KIF6: variants seen among roughly 807,000 people sequenced by gnomAD.
KIF6 encodes kinesin-like protein KIF6.
KIF6 carries 106 observed loss-of-function variants against 112.7 expected under a neutral mutation model. That is an observed-to-expected ratio of 0.94 (90% confidence interval 0.80 to 1.11). The LOEUF is 1.11. Ranked by LOEUF, KIF6 falls within the 50% of genes least tolerant of loss-of-function variation. The pLI, the probability that KIF6 is intolerant of heterozygous loss-of-function variation, is 0.00. For synonymous variants in KIF6, 339 were observed against 339.9 expected (o/e 1.00, Z 0.03); for missense variants, 929 against 964.0 (o/e 0.96, Z 0.48).
intron 15 of KIF6, among the ~76,000 whole-genome samples, chr6:39,402,292 G>A (rs1049871843): frequency 9.2e-5 from 14 of 152,114 alleles, no homozygotes; most frequent in Non-Finnish European, 1.3e-4. Context: ...GACTCAAGCC[G>A]TTTCGAGGAC....
At chr6:39,346,085 T>TCTCTCTCTCTCTCTCTCCCC (rs1212794740) in intron 20 of KIF6, among the ~76,000 whole-genome samples, 2 of 21,598 alleles carry the variant, frequency 9.3e-5, no homozygotes, top group African/African-American at 2.2e-4. Flanking sequence ...TCTCTCTCTC[T>TCTCTCTCTCTCTCTCTCCCC]CCCCCCCCTC....
chr6:39,506,582 C>T (rs1776440596), intron 13 of KIF6, among the ~76,000 whole-genome samples: 1 of 152,068 alleles, frequency 6.6e-6, no homozygotes, highest in Non-Finnish European at 1.5e-5. Flanking sequence ...ACACAGAGCT[C>T]CTAAAACCCT....
At chr6:39,410,934 T>C (rs2150352453) in intron 15 of KIF6, among the ~76,000 whole-genome samples, 1 of 152,292 alleles carries the variant, frequency 6.6e-6, no homozygotes, top group Middle Eastern at 3.4e-3. Context: ...TTTTCCTCCT[T>C]GGTCATAGTT....
At chr6:39,551,687 AT>A (rs1779390669) in intron 10 of KIF6, among the ~76,000 whole-genome samples, 1 of 152,186 alleles carries the variant, frequency 6.6e-6, no homozygotes, top group South Asian at 2.1e-4. Flanking sequence ...CTTGATAATT[AT>A]TAACTTAAAG....
At chr6:39,396,337 T>C (rs1377591274) in intron 15 of KIF6, among the ~76,000 whole-genome samples, 1 of 152,204 alleles carries the variant, frequency 6.6e-6, no homozygotes, top group South Asian at 2.1e-4. Context: ...GTCTCTGCAC[T>C]CACCTCCATG....
intron 3 of KIF6, among the ~76,000 whole-genome samples, chr6:39,649,483 G>T (rs1390145280): frequency 6.6e-6 from 1 of 152,180 alleles, no homozygotes; most frequent in Non-Finnish European, 1.5e-5. Flanking sequence ...TTAAACTAGA[G>T]TCACAAAGAA....
In KIF6 at chr6:39,703,129, T is replaced by A. The variant is rs529518469; in HGVS notation, c.251+11563A>T. On this transcript the variant is annotated intron_variant, in intron 3 of 22. Transcript: ENST00000287152. ...ACAAAACAAACATCTCAATTTTGCC[T>A]ATTTGTCATGGCCACAAGGAAAGAG... Among the ~76,000 whole-genome samples the A allele has an allele frequency of 3.0e-5, 4 of 133,476 alleles. No individual in the cohort carries two copies. The East Asian group carries it at 1.0e-3, about 34-fold the overall frequency. 87.6% of individuals were successfully genotyped at this position (133,476 alleles called of 152,430 possible).
At chr6:39,533,213 C>A (rs1289777808) in intron 13 of KIF6, among the ~76,000 whole-genome samples, 1 of 152,208 alleles carries the variant, frequency 6.6e-6, no homozygotes. Context: ...CAAGGCATTG[C>A]CTCACTCGGG....
chr6:39,612,238 G>A (rs977208038), intron 6 of KIF6, among the ~76,000 whole-genome samples: 1 of 152,144 alleles, frequency 6.6e-6, no homozygotes, highest in East Asian at 1.9e-4. Flanking sequence ...GATTTTTCTC[G>A]GACTACTTAT....
chr6:39,368,139 T>C (rs1176952583), intron 16 of KIF6, among the ~76,000 whole-genome samples: 2 of 152,114 alleles, frequency 1.3e-5, no homozygotes, highest in Non-Finnish European at 2.9e-5. Context: ...TGGGAGCCAC[T>C]GTGATAAAAG....
intron 10 of KIF6, among the ~76,000 whole-genome samples, chr6:39,558,244 T>C (rs1779827341): frequency 6.6e-6 from 1 of 152,158 alleles, no homozygotes; most frequent in South Asian, 2.1e-4. Flanking sequence ...TTTGTTGATA[T>C]GATCTAATTA....
intron 15 of KIF6, among the ~76,000 whole-genome samples, chr6:39,418,038 T>C (rs1770054688): frequency 7.7e-6 from 1 of 129,904 alleles, no homozygotes; most frequent in Non-Finnish European, 1.7e-5. Context: ...AGACTATCAC[T>C]GCCCACTGTC....
At chr6:39,536,251 C>G (rs1416458217) in intron 13 of KIF6, among the ~76,000 whole-genome samples, 2 of 151,644 alleles carry the variant, frequency 1.3e-5, no homozygotes, top group Non-Finnish European at 2.9e-5. Flanking sequence ...CAAAAAAACC[C>G]TTCAAAAAAT....
At chr6:39,384,265 A>G (rs182898536) in intron 16 of KIF6, among the ~76,000 whole-genome samples, 1 of 152,328 alleles carries the variant, frequency 6.6e-6, no homozygotes, top group Admixed American at 6.5e-5. Context: ...CTCCATATCC[A>G]GGGACCTGCC....
At chr6:39,571,061 G>A (rs1780612884) in intron 10 of KIF6, among the ~76,000 whole-genome samples, 1 of 152,146 alleles carries the variant, frequency 6.6e-6, no homozygotes, top group Non-Finnish European at 1.5e-5. Flanking sequence ...TGAAGTTCCA[G>A]AATTCAATCT....
chr6:39,582,007 G>T (rs115308726), intron 9 of KIF6, among the ~76,000 whole-genome samples: 1 of 152,148 alleles, frequency 6.6e-6, no homozygotes, highest in Admixed American at 6.5e-5. Context: ...GAAATGTATC[G>T]GATCATGTGG....
intron 13 of KIF6, among the ~76,000 whole-genome samples, chr6:39,466,267 C>T (rs1416559283): frequency 6.6e-6 from 1 of 152,154 alleles, no homozygotes; most frequent in African/African-American, 2.4e-5. Flanking sequence ...TTCCTTCCTT[C>T]AAACACCGGC....
chr6:39,338,154 G>C (rs1470222612), intron 22 of KIF6, among the ~76,000 whole-genome samples: 1 of 152,234 alleles, frequency 6.6e-6, no homozygotes, highest in East Asian at 1.9e-4. Context: ...CTTGGATGAA[G>C]TAATAAATAC....
chr6:39,583,215 T>C (rs1394584698), intron 9 of KIF6: 1 of 240,020 alleles, frequency 4.2e-6, no homozygotes, highest in African/African-American at 2.2e-5. Context: ...TCTGAACTAG[T>C]TTTTGTCTTG....
Sources: gnomAD v4.1 joint callset for allele counts (sites outside exome capture counted in the v4.1 genomes callset) on GRCh38, gnomAD v4.1.1 for gene constraint, MANE v1.5 for transcripts, NCBI Gene and HGNC (gene_info 2026-07-23, HGNC 2026-07-21) for gene names.